NAALADL2: variants seen among roughly 807,000 people sequenced by gnomAD.
NAALADL2 encodes the protein inactive N-acetylated-alpha-linked acidic dipeptidase-like protein 2.
NAALADL2 carries 76 observed loss-of-function variants against 87.2 expected under a neutral mutation model. The observed-to-expected ratio is 0.87, with a 90% confidence interval of 0.72 to 1.05. The LOEUF (loss-of-function observed/expected upper bound fraction) is 1.05, where lower values mean the gene tolerates loss of function less well. NAALADL2 is among the 50% of genes least tolerant of loss of function. The pLI, the probability that NAALADL2 is intolerant of heterozygous loss-of-function variation, is 0.00. For synonymous variants in NAALADL2, 354 were observed against 331.0 expected (o/e 1.07, Z -0.75); for missense variants, 1,089 against 945.8 (o/e 1.15, Z -1.99).
chr3:175,462,811 T>G (rs77076722), intron 6 of NAALADL2, among the ~76,000 whole-genome samples: 3,822 of 152,294 alleles, frequency 0.025, 159 homozygotes, highest in East Asian at 0.14. Flanking sequence ...GTAGAGCGAT[T>G]AGTACAGATT....
At chr3:175,701,743 T>G (rs1032071129) in intron 11 of NAALADL2, among the ~76,000 whole-genome samples, 1 of 152,300 alleles carries the variant, frequency 6.6e-6, no homozygotes, top group South Asian at 2.1e-4. Context: ...CAAAGGCCAA[T>G]TTTTATAGTA....
intron 13 of NAALADL2, among the ~76,000 whole-genome samples, chr3:175,784,098 G>C (rs1194922403): frequency 6.7e-6 from 1 of 149,806 alleles, no homozygotes; most frequent in African/African-American, 2.5e-5. Flanking sequence ...TGCTGGATTC[G>C]TTTTGCCAGT....
chr3:175,148,567 G>A (rs894968328), intron 2 of NAALADL2, among the ~76,000 whole-genome samples: 1 of 152,042 alleles, frequency 6.6e-6, no homozygotes, highest in Non-Finnish European at 1.5e-5. Context: ...GATTCTTATA[G>A]TTTGGGGTTT....
At chr3:175,718,711 AG>A in intron 11 of NAALADL2, 1 of 1,448,270 alleles carries the variant, frequency 6.9e-7, no homozygotes, top group Non-Finnish European at 9.5e-7. Context: ...AGATCACTTG[AG>A]GCGTGGAGAT....
At chr3:174,579,163 ATAAAGT>A (rs1437705642) in intron 2 of NAALADL2, among the ~76,000 whole-genome samples, 2 of 152,034 alleles carry the variant, frequency 1.3e-5, no homozygotes, top group East Asian at 1.9e-4. Flanking sequence ...GCATTTTCTT[ATAAAGT>A]TAAACAAACA....
chr3:175,334,955 C>G (rs1761827511), intron 5 of NAALADL2, among the ~76,000 whole-genome samples: 3 of 152,092 alleles, frequency 2.0e-5, no homozygotes, highest in Non-Finnish European at 1.5e-5. Context: ...AAGTGTGCCT[C>G]CCCCAGAACG....
chr3:174,961,980 G>A (rs1451949563), intron 1 of NAALADL2, among the ~76,000 whole-genome samples: 1 of 120,908 alleles, frequency 8.3e-6, no homozygotes, highest in Non-Finnish European at 2.1e-5. Context: ...ATGTGTGATG[G>A]CATGTCACTT....
At chr3:175,137,585 T>A (rs1353007053) in intron 2 of NAALADL2, among the ~76,000 whole-genome samples, 1 of 149,136 alleles carries the variant, frequency 6.7e-6, no homozygotes, top group African/African-American at 2.5e-5. Context: ...ACAAATGGAA[T>A]TAATATGACA....
At position 175,313,019 on chromosome 3, in the gene NAALADL2, GAGTCAAGA is replaced by G. The variant is rs1246439590; in HGVS notation, c.940-11151_940-11144del. Among the ~76,000 whole-genome samples the G allele has an allele frequency of 2.0e-5, 3 of 152,224 alleles. No homozygotes were observed. The East Asian group carries it at 5.8e-4, about 29-fold the overall frequency. On this transcript the variant is annotated intron_variant, in intron 4 of 13. Transcript: ENST00000454872. Reference sequence around the variant, plus strand: ...CGAAAAATTATTTTCTCACAGTTTGGAGTCAAGAAGTCCAAGATCAAAGGCTGATAGGT... The same window carrying G: ...CGAAAAATTATTTTCTCACAGTTTGGAGTCCAAGATCAAAGGCTGATAGGT...
At chr3:175,462,832 G>A (rs1723351796) in intron 6 of NAALADL2, among the ~76,000 whole-genome samples, 2 of 152,118 alleles carry the variant, frequency 1.3e-5, no homozygotes, top group Non-Finnish European at 2.9e-5. Context: ...TAGAATAGAG[G>A]TAAGGGACCT....
At chr3:174,442,638 G>A (rs1388559746) in intron 1 of NAALADL2, among the ~76,000 whole-genome samples, 1 of 152,102 alleles carries the variant, frequency 6.6e-6, no homozygotes, top group Non-Finnish European at 1.5e-5. Flanking sequence ...TGCTTACTGC[G>A]TGCCAAGCAG....
intron 1 of NAALADL2, among the ~76,000 whole-genome samples, chr3:174,960,409 G>A (rs1741804023): frequency 6.6e-6 from 1 of 151,948 alleles, no homozygotes; most frequent in South Asian, 2.1e-4. Context: ...CTGAGTTCTG[G>A]CGATGGAATG....
At chr3:174,528,603 G>A (rs1432000246) in intron 1 of NAALADL2, among the ~76,000 whole-genome samples, 2 of 152,126 alleles carry the variant, frequency 1.3e-5, no homozygotes, top group East Asian at 3.9e-4. Flanking sequence ...TCCAGCCTGG[G>A]TGTATTAGTT....
intron 1 of NAALADL2, among the ~76,000 whole-genome samples, chr3:175,043,686 T>C (rs904782309): frequency 6.6e-6 from 1 of 152,216 alleles, no homozygotes; most frequent in African/African-American, 2.4e-5. Context: ...TAGTTGACCT[T>C]AAAAGCATGG....
At chr3:175,520,002 C>T (rs1230716883) in intron 9 of NAALADL2, among the ~76,000 whole-genome samples, 1 of 152,052 alleles carries the variant, frequency 6.6e-6, no homozygotes. Flanking sequence ...TAATTGAAGA[C>T]TTATCTGTGG....
chr3:175,780,637 A>G (rs1310094564), intron 13 of NAALADL2, among the ~76,000 whole-genome samples: 1 of 152,204 alleles, frequency 6.6e-6, no homozygotes, highest in Non-Finnish European at 1.5e-5. Flanking sequence ...GTTCAATAGT[A>G]GCAATAACAA....
chr3:175,234,001 T>C lies in NAALADL2; in HGVS notation c.616T>C (p.Ser206Pro), dbSNP rs1281876809. The change falls in exon 3 of 14, where the codon TCT becomes CCT. Residue 206 changes from serine (S) to proline (P), a missense_variant. Coordinates refer to ENST00000454872, the MANE Select transcript of NAALADL2 (RefSeq NM_207015.3). ...AAAGAAGATTAAGACTCAGTGGACC[T>C]CTTTGGGCCTAGAAGATGTACAGTT... ...ISKKIKTQWTSLGLEDVQFVN... is the reference protein window; with the variant it reads ...ISKKIKTQWTPLGLEDVQFVN... 3.1e-6 allele frequency: 5 copies of C among 1,612,788 alleles called. No homozygotes were observed. The highest frequency in any genetic ancestry group is 2.7e-5 in the African/African-American group (2 of 74,900).
intron 13 of NAALADL2, among the ~76,000 whole-genome samples, chr3:175,782,113 C>T (rs1420447385): frequency 6.6e-6 from 1 of 150,854 alleles, no homozygotes; most frequent in Non-Finnish European, 1.5e-5. Flanking sequence ...CATTGTTGGA[C>T]ATTTGGGTTG....
chr3:174,947,262 TTTTG>T (rs1019298896), intron 1 of NAALADL2, among the ~76,000 whole-genome samples: 6 of 152,172 alleles, frequency 3.9e-5, no homozygotes, highest in African/African-American at 9.7e-5. Context: ...GAGTGGGTTT[TTTTG>T]TTTGTTTGTT....
Sources: gnomAD v4.1 joint callset for allele counts (sites outside exome capture counted in the v4.1 genomes callset) on GRCh38, gnomAD v4.1.1 for gene constraint, MANE v1.5 for transcripts, NCBI Gene and HGNC (gene_info 2026-07-23, HGNC 2026-07-21) for gene names.